Variants in CACNA1I observed in about 807,000 individuals in gnomAD.
The protein encoded by CACNA1I is voltage-dependent T-type calcium channel subunit alpha-1I.
A neutral mutation model predicts 201.6 loss-of-function variants in CACNA1I; 74 were observed. The observed-to-expected ratio is 0.37, with a 90% confidence interval of 0.30 to 0.45. The LOEUF is 0.45. Among genes scored for constraint, CACNA1I ranks in the 20% least tolerant of loss-of-function variants. The probability of loss-of-function intolerance (pLI) is 1.00; values close to 1 mark genes in which losing one functional copy is unlikely to be tolerated. For missense variants in CACNA1I, 2,346 were observed against 3,138.1 expected, an observed-to-expected ratio of 0.75 and a Z score of 6.03; for synonymous variants, 1,431 against 1,345.2, an observed-to-expected ratio of 1.06 and a Z score of -1.40.
At chr22:39,612,658 C>A (rs1299937202) in intron 3 of CACNA1I, among the ~76,000 whole-genome samples, 1 of 152,166 alleles carries the variant, frequency 6.6e-6, no homozygotes, top group Non-Finnish European at 1.5e-5. Flanking sequence ...GATCTAATCA[C>A]CTCCCCAAAG....
chr22:39,596,889 T>G (rs1436787457), intron 1 of CACNA1I, among the ~76,000 whole-genome samples: 3 of 152,212 alleles, frequency 2.0e-5, no homozygotes, highest in Non-Finnish European at 4.4e-5. Context: ...CTGCTTTTAC[T>G]GCATGAGAGC....
intron 1 of CACNA1I, among the ~76,000 whole-genome samples, chr22:39,595,873 G>A (rs1012102389): frequency 2.6e-5 from 4 of 151,698 alleles, no homozygotes; most frequent in African/African-American, 9.7e-5. Context: ...GTCCCCTTTG[G>A]AATGTAGATT....
intron 3 of CACNA1I, 96 bp downstream of exon 3, chr22:39,600,749 T>C: frequency 2.9e-6 from 4 of 1,400,704 alleles, no homozygotes; most frequent in African/African-American, 1.5e-5. Flanking sequence ...TGAAGGGGAA[T>C]CACGGTGATG....
At position 39,659,406 on chromosome 22, in the gene CACNA1I, G is replaced by A. The variant is rs755877381; in HGVS notation, c.2331-27G>A. On this transcript the variant is annotated intron_variant, in intron 12 of 36. Transcript: ENST00000402142. This position sits in a 1 kb window ranked among gnomAD's most constrained non-coding sequence, Gnocchi z 4.3. ...TAGGCAGTTTGGTGCATGTGAGTCC[G>A]ATGAGCCTCTTCCATCCTTTCCCCA... 5.0e-5 allele frequency: 72 copies of A among 1,439,782 alleles called. No individual in the cohort carries two copies. Among genetic ancestry groups the A allele is most frequent in the African/African-American group, 2.1e-4 (15 of 70,908 alleles). The allele number at this position is 1,439,782 out of a possible 1,614,324, so 89.2% of individuals were successfully genotyped here. A position where few individuals can be genotyped will look rare whatever the true frequency, so the allele number is the denominator to read the frequency against.
rs1935886374 is a variant in CACNA1I at position 39,686,588 on chromosome 22, C to A, written c.*183C>A. 1 of 277,876 alleles carries A rather than the reference C, an allele frequency of 3.6e-6. No homozygotes were observed. Among genetic ancestry groups the A allele is most frequent in the Non-Finnish European group, 6.6e-6 (1 of 151,850 alleles). The allele number at this position is 277,876 out of a possible 1,614,324, so 17.2% of individuals were successfully genotyped here. ...GCCAGGCCTGCGTGGCCCATGGTGG[C>A]CCTTCCAGTGCATATACATACATAT... On this transcript the variant is annotated 3_prime_UTR_variant, in exon 37 of 37. Transcript: ENST00000402142.
chr22:39,656,777 C>T, intron 10 of CACNA1I: 7 of 519,020 alleles, frequency 1.3e-5, no homozygotes, highest in South Asian at 8.4e-5. Context: ...TGGCTCTGAA[C>T]AAGTCATTCC....
chr22:39,658,307 C>A lies in CACNA1I; in HGVS notation c.2144+4C>A, dbSNP rs1220656362. The A allele has an allele frequency of 1.2e-6, 2 of 1,613,192 alleles. No homozygotes were observed. The highest frequency in any genetic ancestry group is 1.3e-5 in the African/African-American group (1 of 75,024). On this transcript the variant is annotated splice_donor_region_variant and intron_variant, in intron 11 of 36. Transcript: ENST00000402142. ...ACAGCATCATTGTCATCATCAGGTACCCCTCCCCCAACCCACCCGGCAGCA... is the reference window on the plus strand; with the variant it reads ...ACAGCATCATTGTCATCATCAGGTAACCCTCCCCCAACCCACCCGGCAGCA...
intron 3 of CACNA1I, among the ~76,000 whole-genome samples, chr22:39,607,220 C>A (rs967550883): frequency 3.9e-5 from 6 of 152,216 alleles, no homozygotes; most frequent in Non-Finnish European, 7.3e-5. Context: ...TCGCAAGCTT[C>A]TGACTGTGTG....
chr22:39,620,780 C>G (rs1391931678), intron 4 of CACNA1I, among the ~76,000 whole-genome samples: 1 of 151,786 alleles, frequency 6.6e-6, no homozygotes, highest in Non-Finnish European at 1.5e-5. Flanking sequence ...TGAGACACAG[C>G]CCGTAGCTCT....
At chr22:39,607,527 T>C (rs1376979491) in intron 3 of CACNA1I, among the ~76,000 whole-genome samples, 1 of 152,200 alleles carries the variant, frequency 6.6e-6, no homozygotes, top group Non-Finnish European at 1.5e-5. Flanking sequence ...CAGCAGCCTC[T>C]AATCAGGAGG....
chr22:39,591,517 G>A (rs1412443766), intron 1 of CACNA1I, among the ~76,000 whole-genome samples: 2 of 152,208 alleles, frequency 1.3e-5, no homozygotes, highest in Admixed American at 1.3e-4. Flanking sequence ...CTGCAGGACA[G>A]ATATCTATCA....
chr22:39,672,834 C>A, intron 27 of CACNA1I, 115 bp from the exon 28 acceptor site: 2 of 1,174,398 alleles, frequency 1.7e-6, no homozygotes, highest in Non-Finnish European at 2.4e-6. Context: ...GCCACACAGC[C>A]TAATGGGCCA....
chr22:39,619,319 G>A lies in CACNA1I; in HGVS notation c.492G>A (p.Glu164=), dbSNP rs1265503225. ...TCTCCTTTCTCTGCAGGATGGTCGA[G>A]TACTCCCTGGACCTTCAGAACATCA... is the stretch of plus-strand genomic sequence containing the variant. ...DFFIVMAGMV[E]YSLDLQNINL... The change falls in exon 4 of 37, where the codon GAG becomes GAA. Residue 164 remains glutamate, a synonymous_variant. Transcript: ENST00000402142. 2 of 1,608,536 alleles carry A rather than the reference G, an allele frequency of 1.2e-6. No individual in the cohort carries two copies. The highest frequency in any genetic ancestry group is 2.2e-5 in the South Asian group (2 of 91,074).
chr22:39,629,667 C>T lies in CACNA1I; in HGVS notation c.581-4898C>T, dbSNP rs78184741. On this transcript the variant is annotated intron_variant, in intron 4 of 36. Coordinates refer to ENST00000402142, the MANE Select transcript of CACNA1I (RefSeq NM_021096.4). The surrounding 1 kb of genome is among the most constrained non-coding windows in gnomAD (Gnocchi z 4.8). Reference sequence around the variant, plus strand: ...AGTGAGGGCACAGAGCAGGGAACCACAGCTCTCCTGGGCCCCACACTCAGC... The same window carrying T: ...AGTGAGGGCACAGAGCAGGGAACCATAGCTCTCCTGGGCCCCACACTCAGC... Among the ~76,000 whole-genome samples the T allele has an allele frequency of 9.4e-3, 1,436 of 152,264 alleles. 22 individuals carry two copies. Among genetic ancestry groups the T allele is most frequent in the African/African-American group, 0.033 (1,367 of 41,542 alleles).
At chr22:39,610,104 C>T (rs1052401448) in intron 3 of CACNA1I, among the ~76,000 whole-genome samples, 1 of 152,178 alleles carries the variant, frequency 6.6e-6, no homozygotes. Flanking sequence ...GGAAGCCCTC[C>T]GAATGTCTTG....
Position 39,685,820 on chromosome 22 carries a change from G to A in CACNA1I, c.6087G>A (p.Gln2029=). Residue 2029 remains glutamine (Q), a synonymous_variant, in exon 37 of 37, where the codon CAG becomes CAA. Transcript: ENST00000402142. This position sits in a 1 kb window ranked among gnomAD's most constrained non-coding sequence, Gnocchi z 5.0. The part of the protein sequence containing the change: ...ASPSSSAGSL[Q]TTLEDSLTLS... ...CCAGCAGCTCCGCGGGCAGCCTGCA[G>A]ACCACGCTCGAGGACAGCCTGACCC... 3 of 1,497,030 alleles carry A rather than the reference G, an allele frequency of 2.0e-6. No homozygotes were observed. The highest frequency in any genetic ancestry group is 2.9e-5 in the East Asian group (1 of 34,914). The allele number at this position is 1,497,030 out of a possible 1,614,324, so 92.7% of individuals were successfully genotyped here. A position where few individuals can be genotyped will look rare whatever the true frequency, so the allele number is the denominator to read the frequency against.
Position 39,649,990 on chromosome 22 carries a change from G to A in CACNA1I, c.1992+65G>A. Reference sequence around the variant, plus strand: ...GTGAGGGCCCCAGGACCCTGCCCAGGCCTGGGCAGCCCCATCCATCTGCCT... The same window carrying A: ...GTGAGGGCCCCAGGACCCTGCCCAGACCTGGGCAGCCCCATCCATCTGCCT... On this transcript the variant is annotated intron_variant, in intron 10 of 36. Coordinates refer to ENST00000402142, the MANE Select transcript of CACNA1I (RefSeq NM_021096.4). This position sits in a 1 kb window ranked among gnomAD's most constrained non-coding sequence, Gnocchi z 7.3. 1.9e-6 allele frequency: 3 copies of A among 1,542,202 alleles called. No homozygotes were observed. Among genetic ancestry groups the A allele is most frequent in the Non-Finnish European group, 2.7e-6 (3 of 1,117,922 alleles).
In CACNA1I at chr22:39,685,109, G is replaced by C. The variant is rs1255404561; in HGVS notation, c.6027+611G>C. 1 of 169,614 alleles carries C rather than the reference G, an allele frequency of 5.9e-6. No homozygotes were observed. The highest frequency in any genetic ancestry group is 1.3e-5 in the Non-Finnish European group (1 of 79,006). 10.5% of individuals were successfully genotyped at this position (169,614 alleles called of 1,614,324 possible). On this transcript the variant is annotated intron_variant, in intron 36 of 36. Coordinates refer to ENST00000402142, the MANE Select transcript of CACNA1I (RefSeq NM_021096.4). The surrounding 1 kb of genome is among the most constrained non-coding windows in gnomAD (Gnocchi z 5.0). ...ACTGTCTGACCCGTCACACCAGGCT[G>C]TGTGCTCTGGCGGGCAGGACACAAA...
intron 4 of CACNA1I, among the ~76,000 whole-genome samples, chr22:39,630,304 G>A (rs5750862): frequency 0.4 from 60,172 of 152,132 alleles, 12,876 homozygotes; most frequent in East Asian, 0.9. Context: ...ACGTGACCTT[G>A]TGTATCACCC....
Sources: allele counts gnomAD v4.1 joint callset (sites outside exome capture counted in the v4.1 genomes callset), GRCh38; gene constraint gnomAD v4.1.1; non-coding constraint Gnocchi (gnomAD v3.1); transcripts MANE v1.5; gene names NCBI Gene and HGNC (gene_info 2026-07-23, HGNC 2026-07-21).